The following SLC2A9 variants were observed in gnomAD, a reference collection of about 807,000 sequenced individuals.
The protein encoded by SLC2A9 is solute carrier family 2, facilitated glucose transporter member 9.
In SLC2A9, 39 loss-of-function variants were observed where a neutral mutation model predicts 50.6. The ratio of observed to expected loss-of-function variants is 0.77; its 90% CI spans 0.60 to 1.01. SLC2A9 has a LOEUF of 1.01. Ranked by LOEUF, SLC2A9 falls within the 50% of genes least tolerant of loss-of-function variation. SLC2A9 has a pLI of 0.00. For synonymous variants in SLC2A9, 324 were observed against 276.9 expected, an observed-to-expected ratio of 1.17 and a Z score of -1.69; for missense variants, 686 against 677.6, an observed-to-expected ratio of 1.01 and a Z score of -0.14.
chr4:9,782,337 T>C (rs1577258911), intron 3 of SLC2A9: 1 of 1,614,022 alleles, frequency 6.2e-7, no homozygotes, highest in African/African-American at 1.3e-5. Flanking sequence ...GTCGCCGAGG[T>C]GGCCGGTTAC....
chr4:10,016,430 G>A (rs1454050360), intron 2 of SLC2A9, among the ~76,000 whole-genome samples: 3 of 152,122 alleles, frequency 2.0e-5, no homozygotes, highest in African/African-American at 4.8e-5. Flanking sequence ...GCTGATTAAC[G>A]CATGAAAAGT....
rs374642835 is a variant in SLC2A9, at chr4:9,958,583, A to G, written c.682-16538T>C. On this transcript the variant is annotated intron_variant, in intron 5 of 11. Coordinates refer to ENST00000264784, the MANE Select transcript of SLC2A9 (RefSeq NM_020041.3). ...TGCAACAAACCACTATGGCACATGT[A>G]TACCTATGTAACAAACCTGCATGTT... Among the ~76,000 whole-genome samples, 11 of 152,220 alleles carry G rather than the reference A, an allele frequency of 7.2e-5. No homozygotes were observed. In the East Asian group the frequency reaches 9.6e-4, roughly 13 times the overall value.
At chr4:10,006,041 G>A (rs1446045287) in intron 2 of SLC2A9, among the ~76,000 whole-genome samples, 1 of 152,164 alleles carries the variant, frequency 6.6e-6, no homozygotes, top group African/African-American at 2.4e-5. Context: ...TGGGGTGGTT[G>A]GTGGTAGTGT....
At chr4:9,998,615 T>G (rs987676069) in intron 2 of SLC2A9, among the ~76,000 whole-genome samples, 1 of 152,186 alleles carries the variant, frequency 6.6e-6, no homozygotes, top group African/African-American at 2.4e-5. Flanking sequence ...GGAAGATGCC[T>G]GTAGCCTACA....
At chr4:9,771,326 A>T in exon 2 of SLC2A9, 1 of 391,468 alleles carries the variant, frequency 2.6e-6, no homozygotes, top group African/African-American at 2.1e-5. Flanking sequence ...TCAGGTATCC[A>T]GGCACATTCA....
intron 10 of SLC2A9, chr4:9,879,324 T>C (rs1226177200): frequency 2.0e-6 from 2 of 984,934 alleles, no homozygotes; most frequent in Non-Finnish European, 2.4e-6. Flanking sequence ...AGAGGGGAAA[T>C]AGCACATGCA....
chr4:9,954,784 C>T (rs902413755), intron 5 of SLC2A9, among the ~76,000 whole-genome samples: 1 of 152,098 alleles, frequency 6.6e-6, no homozygotes, highest in Non-Finnish European at 1.5e-5. Flanking sequence ...GCATTCCCCA[C>T]CAGGAATGTC....
intron 3 of SLC2A9, among the ~76,000 whole-genome samples, chr4:9,815,766 A>C (rs1723494905): frequency 6.6e-6 from 1 of 152,260 alleles, no homozygotes; most frequent in Non-Finnish European, 1.5e-5. Context: ...GAAGTCCTTC[A>C]AAATGTCTAT....
rs190790961 is a variant in SLC2A9 at position 9,855,330 on chromosome 4, C to T, written c.1292-20322G>A. Among the ~76,000 whole-genome samples the T allele has an allele frequency of 5.3e-4, 80 of 152,184 alleles. 2 individuals carry two copies. The Middle Eastern group carries it at 0.041, about 78-fold the overall frequency. ...GTACACCAACAACATCCAAGCTGAG[C>T]ACAAGATCAAGAATTCAGTCCCATT... On this transcript the variant is annotated intron_variant, in intron 10 of 11. Coordinates refer to ENST00000264784, the MANE Select transcript of SLC2A9 (RefSeq NM_020041.3).
At chr4:9,783,374 C>T in intron 3 of SLC2A9, 2 of 1,614,184 alleles carry the variant, frequency 1.2e-6, no homozygotes, top group East Asian at 2.2e-5. Flanking sequence ...AGATGGTGAC[C>T]CTGTTGCTGA....
At chr4:10,007,749 C>T (rs778892078) in intron 2 of SLC2A9, among the ~76,000 whole-genome samples, 4 of 152,108 alleles carry the variant, frequency 2.6e-5, no homozygotes, top group South Asian at 2.1e-4. Context: ...TCCGGTTGGC[C>T]GGAATGAAAA....
At chr4:9,866,425 A>C (rs1375119319) in intron 10 of SLC2A9, among the ~76,000 whole-genome samples, 1 of 152,072 alleles carries the variant, frequency 6.6e-6, no homozygotes, top group African/African-American at 2.4e-5. Flanking sequence ...TTTGAAATCC[A>C]GCTGCTGAAC....
At chr4:9,907,337 A>G (rs1740870936) in intron 8 of SLC2A9, among the ~76,000 whole-genome samples, 1 of 152,366 alleles carries the variant, frequency 6.6e-6, no homozygotes, top group East Asian at 1.9e-4. Context: ...TGCCGGAGCC[A>G]GGATTCAAAT....
chr4:9,957,204 C>A (rs1453555625), intron 5 of SLC2A9, among the ~76,000 whole-genome samples: 1 of 151,902 alleles, frequency 6.6e-6, no homozygotes, highest in Non-Finnish European at 1.5e-5. Flanking sequence ...AGCAGCAAAA[C>A]AGGAGGCCAA....
chr4:10,019,971 C>T (rs6849273), intron 1 of SLC2A9, among the ~76,000 whole-genome samples: 82,579 of 152,014 alleles, frequency 0.54, 23,204 homozygotes, highest in East Asian at 0.82. Context: ...TCAGGGAATA[C>T]AGGCCAAGTG....
At chr4:9,964,740 AGG>A (rs1324729403) in intron 5 of SLC2A9, among the ~76,000 whole-genome samples, 4 of 152,250 alleles carry the variant, frequency 2.6e-5, no homozygotes, top group Non-Finnish European at 4.4e-5. Flanking sequence ...TCAAACACTT[AGG>A]GTCTGGATGA....
intron 2 of SLC2A9, among the ~76,000 whole-genome samples, chr4:10,011,004 C>A (rs749622396): frequency 6.6e-6 from 1 of 152,086 alleles, no homozygotes; most frequent in Non-Finnish European, 1.5e-5. Context: ...TGCGTGAGTC[C>A]CAGGTCAGGA....
chr4:9,949,365 C>T (rs1749785895), intron 5 of SLC2A9, among the ~76,000 whole-genome samples: 1 of 152,212 alleles, frequency 6.6e-6, no homozygotes, highest in South Asian at 2.1e-4. Context: ...ACGACAGACA[C>T]TCCTGCTCTT....
At chr4:9,851,950 G>A (rs1039966710) in intron 10 of SLC2A9, among the ~76,000 whole-genome samples, 13 of 152,188 alleles carry the variant, frequency 8.5e-5, no homozygotes, top group South Asian at 2.1e-4. Flanking sequence ...TGACTCACTG[G>A]TGTCTCTGAA....
Sources: allele counts gnomAD v4.1 joint callset (sites outside exome capture counted in the v4.1 genomes callset), GRCh38; gene constraint gnomAD v4.1.1; transcripts MANE v1.5; gene names NCBI Gene and HGNC (gene_info 2026-07-23, HGNC 2026-07-21).